Variants in THADA observed in about 807,000 individuals in gnomAD.
THADA encodes THADA armadillo repeat containing.
A neutral mutation model predicts 219.8 loss-of-function variants in THADA; 213 were observed. The observed-to-expected ratio is 0.97, with a 90% CI of 0.87 to 1.09. The LOEUF is 1.09. Ranked by LOEUF, THADA falls within the 50% of genes least tolerant of loss-of-function variation. The pLI, the probability that THADA is intolerant of heterozygous loss-of-function variation, is 0.00. For missense variants in THADA, 2,956 were observed against 2,311.3 expected (o/e 1.28, Z -5.72); for synonymous variants, 1,018 against 828.9 (o/e 1.23, Z -3.92).
At chr2:43,252,229 C>T (rs1265627628) in intron 36 of THADA, among the ~76,000 whole-genome samples, 1 of 152,226 alleles carries the variant, frequency 6.6e-6, no homozygotes, top group East Asian at 1.9e-4. Context: ...AATTCAAATA[C>T]TCCCCATCTC....
intron 28 of THADA, among the ~76,000 whole-genome samples, chr2:43,409,842 C>T (rs777897214): frequency 6.6e-6 from 1 of 151,726 alleles, no homozygotes; most frequent in Non-Finnish European, 1.5e-5. Flanking sequence ...CAAAATGAGA[C>T]CCTGTCTCTA....
At chr2:43,494,754 A>G (rs185757744) in intron 25 of THADA, among the ~76,000 whole-genome samples, 2 of 152,330 alleles carry the variant, frequency 1.3e-5, no homozygotes, top group Non-Finnish European at 2.9e-5. Flanking sequence ...CATCTACAAT[A>G]CAGTAAGCAG....
chr2:43,520,862 C>T (rs1039301105), intron 22 of THADA, among the ~76,000 whole-genome samples: 2 of 145,532 alleles, frequency 1.4e-5, no homozygotes, highest in South Asian at 4.4e-4. Flanking sequence ...CAATCAGAAC[C>T]TAGAAAGCAG....
chr2:43,269,063 G>T (rs1019072500), intron 36 of THADA, among the ~76,000 whole-genome samples: 7 of 152,220 alleles, frequency 4.6e-5, no homozygotes, highest in African/African-American at 7.2e-5. Flanking sequence ...ATATGGCCTT[G>T]CTGAGGAAAG....
In THADA at chr2:43,549,469, A is replaced by C. The variant is rs748851805; in HGVS notation, c.2948-101T>G. On this transcript the variant is annotated intron_variant, in intron 19 of 37. Coordinates refer to ENST00000405975, the MANE Select transcript of THADA (RefSeq NM_022065.5). ...AAAAAATCTATAATTTTCAATACTT[A>C]ATAATCAGCTTTATTAGAAGGGACT... is the stretch of plus-strand genomic sequence containing the variant. 4 of 1,196,330 alleles carry C rather than the reference A, an allele frequency of 3.3e-6. No homozygotes were observed. In the Admixed American group the frequency reaches 1.3e-4, roughly 38 times the overall value. 74.1% of individuals were successfully genotyped at this position (1,196,330 alleles called of 1,614,324 possible).
At chr2:43,323,255 C>T (rs1439103820) in intron 30 of THADA, among the ~76,000 whole-genome samples, 2 of 152,112 alleles carry the variant, frequency 1.3e-5, no homozygotes, top group African/African-American at 2.4e-5. Flanking sequence ...AATCCTCCCA[C>T]CTCAGCCTCC....
intron 36 of THADA, among the ~76,000 whole-genome samples, chr2:43,271,368 C>A (rs1672100487): frequency 6.6e-6 from 1 of 152,128 alleles, no homozygotes; most frequent in African/African-American, 2.4e-5. Flanking sequence ...ATTTAATCTG[C>A]CATAATAAGA....
chr2:43,459,759 G>A (rs1044783019), intron 26 of THADA, among the ~76,000 whole-genome samples: 8 of 152,164 alleles, frequency 5.3e-5, no homozygotes, highest in Non-Finnish European at 8.8e-5. Flanking sequence ...CTCAGAGTCT[G>A]GCCCAAGCTT....
chr2:43,583,821 C>T (rs542774248), intron 7 of THADA, among the ~76,000 whole-genome samples: 2 of 152,088 alleles, frequency 1.3e-5, no homozygotes, highest in East Asian at 3.9e-4. Context: ...GGCAGGGGGA[C>T]TGCTTGCGCT....
At chr2:43,500,694 A>G (rs970720462) in intron 24 of THADA, among the ~76,000 whole-genome samples, 2 of 152,216 alleles carry the variant, frequency 1.3e-5, no homozygotes, top group Non-Finnish European at 2.9e-5. Flanking sequence ...CTCTCTTTCT[A>G]TACCAAACTT....
chr2:43,420,397 T>C (rs1236391432), intron 28 of THADA, among the ~76,000 whole-genome samples: 1 of 152,242 alleles, frequency 6.6e-6, no homozygotes, highest in Non-Finnish European at 1.5e-5. Flanking sequence ...AGGTACACAA[T>C]GAATGTTTAA....
At chr2:43,440,736 G>A (rs550479203) in intron 26 of THADA, among the ~76,000 whole-genome samples, 5 of 152,256 alleles carry the variant, frequency 3.3e-5, no homozygotes, top group African/African-American at 1.2e-4. Context: ...CTATTTCTTG[G>A]TTGAGTAAGA....
At chr2:43,595,168 G>A (rs1447753332) in intron 1 of THADA, among the ~76,000 whole-genome samples, 2 of 152,226 alleles carry the variant, frequency 1.3e-5, no homozygotes, top group East Asian at 3.8e-4. Context: ...TTAAGGGCAG[G>A]AAGGTGGACT....
intron 8 of THADA, among the ~76,000 whole-genome samples, chr2:43,579,529 C>T (rs1051799092): frequency 7.9e-5 from 12 of 152,114 alleles, no homozygotes; most frequent in African/African-American, 2.9e-4. Context: ...ACTAAATATC[C>T]ACTCTGCCCT....
intron 28 of THADA, among the ~76,000 whole-genome samples, chr2:43,406,412 T>G (rs890644174): frequency 5.3e-5 from 8 of 152,270 alleles, no homozygotes; most frequent in Admixed American, 5.2e-4. Context: ...AGATGAAGCA[T>G]GAAAATTACA....
chr2:43,426,258 T>A (rs1678409985), intron 28 of THADA, among the ~76,000 whole-genome samples: 1 of 152,234 alleles, frequency 6.6e-6, no homozygotes, highest in Non-Finnish European at 1.5e-5. Context: ...CAGGTACCAC[T>A]GAAAGGTACT....
chr2:43,595,790 C>A (rs1009214511), intron 1 of THADA, 141 bp downstream of exon 1: 1 of 152,286 alleles, frequency 6.6e-6, no homozygotes, highest in African/African-American at 2.4e-5. Flanking sequence ...GAGACCTTAG[C>A]GACCGGAAAT....
intron 30 of THADA, among the ~76,000 whole-genome samples, chr2:43,334,476 C>T (rs1265732888): frequency 6.6e-6 from 1 of 152,102 alleles, no homozygotes; most frequent in Non-Finnish European, 1.5e-5. Context: ...CTGTTTTATG[C>T]AAAAAATTTA....
chr2:43,592,109 T>C (rs992095367), intron 2 of THADA, 63 bp from the exon 3 acceptor site: 2 of 1,341,932 alleles, frequency 1.5e-6, no homozygotes, highest in Admixed American at 2.6e-5. Context: ...TTGCCTTTGT[T>C]GTGCATTCTA....
Sources: gnomAD v4.1 joint callset for allele counts (sites outside exome capture counted in the v4.1 genomes callset) on GRCh38, gnomAD v4.1.1 for gene constraint, MANE v1.5 for transcripts, NCBI Gene and HGNC (gene_info 2026-07-23, HGNC 2026-07-21) for gene names.